The following OR10J1 variants were observed in gnomAD, a reference collection of about 807,000 sequenced individuals.
OR10J1 encodes the protein olfactory receptor 10J1.
For missense variants in OR10J1, 474 were observed against 376.6 expected, an observed-to-expected ratio of 1.26 and a Z score of -2.14; for synonymous variants, 202 against 143.8, an observed-to-expected ratio of 1.40 and a Z score of -2.89.
chr1:159,423,616 G>A, the OR10J1 span, among the ~76,000 whole-genome samples: 1 of 152,192 alleles, frequency 6.6e-6, no homozygotes, highest in African/African-American at 2.4e-5. Context: ...TGGAGAAGAA[G>A]TGCAGTGTAG....
At chr1:159,415,396 T>G in the OR10J1 span, among the ~76,000 whole-genome samples, 1 of 152,126 alleles carries the variant, frequency 6.6e-6, no homozygotes, top group Non-Finnish European at 1.5e-5. Flanking sequence ...ATGAATGCAT[T>G]TCTGAATTCT....
chr1:159,425,749 T>G, the OR10J1 span, among the ~76,000 whole-genome samples: 1 of 152,086 alleles, frequency 6.6e-6, no homozygotes, highest in East Asian at 1.9e-4. Flanking sequence ...TTTGTGTTCA[T>G]GTACACAGAG....
chr1:159,412,925 C>T, the OR10J1 span, among the ~76,000 whole-genome samples: 2 of 151,814 alleles, frequency 1.3e-5, no homozygotes, highest in African/African-American at 4.8e-5. Flanking sequence ...AGAAAATTTT[C>T]ACAACCTACT....
chr1:159,440,791 A>C lies in OR10J1; in HGVS notation c.*70A>C. On this transcript the variant is annotated 3_prime_UTR_variant, in exon 1 of 1. Transcript: ENST00000423932. ...GCAGGAATATGAGGTGTAAACTCAC[A>C]AACACTTGGCTCCTAGAGACCTGCC... 6.6e-7 allele frequency: 1 copy of C among 1,507,906 alleles called. No homozygotes were observed. 93.4% of individuals were successfully genotyped at this position (1,507,906 alleles called of 1,614,324 possible).
chr1:159,433,204 A>G (rs1222440463), upstream of OR10J1: 1 of 397,626 alleles, frequency 2.5e-6, no homozygotes, highest in Non-Finnish European at 4.4e-6. Context: ...GAGAGGGACA[A>G]TAAGATGAGA....
the OR10J1 span, among the ~76,000 whole-genome samples, chr1:159,420,663 T>G: frequency 6.6e-6 from 1 of 152,064 alleles, no homozygotes; most frequent in Non-Finnish European, 1.5e-5. Context: ...AAGGATAACT[T>G]TGTTAGGCAT....
Position 159,440,300 on chromosome 1 carries a change from C to T in OR10J1, c.509C>T (p.Ala170Val), listed in dbSNP as rs1655897453. 6.2e-7 allele frequency: 1 copy of T among 1,614,166 alleles called. No individual in the cohort carries two copies. The highest frequency in any genetic ancestry group is 8.5e-7 in the Non-Finnish European group (1 of 1,180,004). ...TCTGTATTCAGGTTACCCTTCTGTGCTAGAAAGGTGCCCCACTTCTTCTGT... is the reference window on the plus strand; with the variant it reads ...TCTGTATTCAGGTTACCCTTCTGTGTTAGAAAGGTGCCCCACTTCTTCTGT... Reference protein sequence around the residue: ...VTSVFRLPFCARKVPHFFCDI... With the variant: ...VTSVFRLPFCVRKVPHFFCDI... Residue 170 changes from alanine (A) to valine (V), a missense_variant, in exon 1 of 1, where the codon GCT becomes GTT. By Grantham distance (64) the Ala-to-Val change is moderately conservative (BLOSUM62 0). Coordinates refer to ENST00000423932, the MANE Select transcript of OR10J1 (RefSeq NM_012351.3).
chr1:159,407,675 T>C, the OR10J1 span, among the ~76,000 whole-genome samples: 1 of 152,138 alleles, frequency 6.6e-6, no homozygotes, highest in Non-Finnish European at 1.5e-5. Context: ...ATGTAGTTAA[T>C]TCTTATATTT....
At chr1:159,406,173 G>A in the OR10J1 span, 1 of 504,164 alleles carries the variant, frequency 2.0e-6, no homozygotes, top group South Asian at 1.5e-5. Flanking sequence ...AGACAGCAAT[G>A]CTCAGGAAGA....
At chr1:159,433,432 C>T (rs1655643769), upstream of OR10J1, among the ~76,000 whole-genome samples, 1 of 152,114 alleles carries the variant, frequency 6.6e-6, no homozygotes, top group Non-Finnish European at 1.5e-5. Flanking sequence ...TTACTCTTGT[C>T]ATAAGGTATT....
chr1:159,427,185 C>T, the OR10J1 span, among the ~76,000 whole-genome samples: 1 of 151,674 alleles, frequency 6.6e-6, no homozygotes, highest in East Asian at 1.9e-4. Flanking sequence ...AAACTAATGA[C>T]TTACATCCAA....
At position 159,440,448 on chromosome 1, in the gene OR10J1, C is replaced by T; in HGVS notation, c.657C>T (p.Leu219=). 2 of 1,614,106 alleles carry T rather than the reference C, an allele frequency of 1.2e-6. No homozygotes were observed. The highest frequency in any genetic ancestry group is 1.1e-5 in the South Asian group (1 of 91,078). The change falls in exon 1 of 1, where the codon CTC becomes CTT. Residue 219 remains leucine, a synonymous_variant. Transcript: ENST00000423932. ...GTCTGGTTTTCATTTCTTATGTTCTCATTATCTCTACAATCCTCAAGATTG... is the reference window on the plus strand; with the variant it reads ...GTCTGGTTTTCATTTCTTATGTTCTTATTATCTCTACAATCCTCAAGATTG... ...PMGLVFISYV[L]IISTILKIAS...
At chr1:159,413,619 CAT>C in the OR10J1 span, among the ~76,000 whole-genome samples, 3 of 147,798 alleles carry the variant, frequency 2.0e-5, no homozygotes, top group African/African-American at 7.5e-5. Flanking sequence ...TGTTCTCACT[CAT>C]AGGTCGGAAT....
Position 159,440,303 on chromosome 1 carries a change from G to C in OR10J1, c.512G>C (p.Arg171Thr), listed in dbSNP as rs188785669. Residue 171 changes from arginine (R) to threonine (T), a missense_variant, in exon 1 of 1, where the codon AGA becomes ACA. Physicochemically the swap from Arg to Thr is moderately conservative, Grantham distance 71. Coordinates refer to ENST00000423932, the MANE Select transcript of OR10J1 (RefSeq NM_012351.3). ...TSVFRLPFCARKVPHFFCDIR... is the reference protein window; with the variant it reads ...TSVFRLPFCATKVPHFFCDIR... ...GTATTCAGGTTACCCTTCTGTGCTA[G>C]AAAGGTGCCCCACTTCTTCTGTGAC... 6.2e-7 allele frequency: 1 copy of C among 1,614,196 alleles called. No homozygotes were observed. The highest frequency in any genetic ancestry group is 8.5e-7 in the Non-Finnish European group (1 of 1,180,018).
chr1:159,439,678 A>G, upstream of OR10J1: 1 of 1,294,214 alleles, frequency 7.7e-7, no homozygotes, highest in Non-Finnish European at 1.1e-6. Flanking sequence ...ATACATCACC[A>G]GATTTGTAAC....
the OR10J1 span, among the ~76,000 whole-genome samples, chr1:159,411,295 G>C: frequency 0.078 from 11,829 of 152,140 alleles, 1,030 homozygotes; most frequent in African/African-American, 0.22. Flanking sequence ...GTTGACAGTG[G>C]AGTGTTAAAG....
the OR10J1 span, among the ~76,000 whole-genome samples, chr1:159,429,424 C>T: frequency 6.6e-6 from 1 of 152,202 alleles, no homozygotes; most frequent in Non-Finnish European, 1.5e-5. Context: ...TCTCATGACG[C>T]TGCATCCTTA....
chr1:159,430,646 T>G, the OR10J1 span, among the ~76,000 whole-genome samples: 2 of 73,424 alleles, frequency 2.7e-5, no homozygotes, highest in African/African-American at 7.1e-5. Context: ...TTATGGTGTG[T>G]GTGTGTGTGT....
chr1:159,432,250 G>T, the OR10J1 span: 11 of 400,820 alleles, frequency 2.7e-5, no homozygotes, highest in Non-Finnish European at 4.4e-5. Context: ...ACATTTGAGG[G>T]TTTCTCCATT....
Sources: allele counts gnomAD v4.1 joint callset (sites outside exome capture counted in the v4.1 genomes callset), GRCh38; gene constraint gnomAD v4.1.1; transcripts MANE v1.5; gene names NCBI Gene and HGNC (gene_info 2026-07-23, HGNC 2026-07-21).